NFS1: variants seen among roughly 807,000 people sequenced by gnomAD.
NFS1 encodes cysteine desulfurase.
NFS1 carries 26 observed loss-of-function variants against 57.3 expected under a neutral mutation model. The ratio of observed to expected loss-of-function variants is 0.45; its 90% confidence interval spans 0.33 to 0.63. The LOEUF (loss-of-function observed/expected upper bound fraction) is 0.63, where lower values mean the gene tolerates loss of function less well. NFS1 is among the 20% of genes least tolerant of loss of function. NFS1 has a pLI of 0.02. For missense variants in NFS1, 505 were observed against 605.8 expected, an observed-to-expected ratio of 0.83 and a Z score of 1.75; for synonymous variants, 209 against 216.3, an observed-to-expected ratio of 0.97 and a Z score of 0.30.
chr20:35,679,075 T>C (rs989906874), intron 7 of NFS1, among the ~76,000 whole-genome samples: 2 of 152,170 alleles, frequency 1.3e-5, no homozygotes, highest in Admixed American at 1.3e-4. Context: ...GGTTGGATAA[T>C]GAGGGACACC....
intron 12 of NFS1, among the ~76,000 whole-genome samples, chr20:35,672,343 A>C (rs970661653): frequency 6.6e-6 from 1 of 151,598 alleles, no homozygotes; most frequent in Admixed American, 6.6e-5. Flanking sequence ...TCCCCCTCCC[A>C]GGTTGAAGTG....
intron 7 of NFS1, among the ~76,000 whole-genome samples, chr20:35,680,514 G>C (rs956526702): frequency 3.9e-5 from 6 of 152,220 alleles, no homozygotes; most frequent in African/African-American, 1.4e-4. Flanking sequence ...CTAAGGATTT[G>C]TTAAAGAGAG....
At chr20:35,672,180 G>A (rs566378663) in intron 12 of NFS1, among the ~76,000 whole-genome samples, 10 of 151,718 alleles carry the variant, frequency 6.6e-5, no homozygotes, top group Admixed American at 4.6e-4. Context: ...GGATGGTCTC[G>A]ATCTCCTGAC....
intron 7 of NFS1, chr20:35,675,562 A>G (rs1045776444): frequency 2.2e-5 from 5 of 227,308 alleles, no homozygotes; most frequent in African/African-American, 1.2e-4. Context: ...TGTCCATACA[A>G]TGAAATACCA....
chr20:35,690,514 T>G lies in NFS1; in HGVS notation c.460A>C (p.Thr154Pro). Reference protein sequence around the residue: ...SRKKHLITTQTEHKCVLDSCR... With the variant: ...SRKKHLITTQPEHKCVLDSCR... ...GAGTCCAAGACACATTTGTGTTCTG[T>G]CTGGGTGGTGATCAAGTGCTTTTTC... is the stretch of plus-strand genomic sequence containing the variant. Residue 154 changes from threonine (T) to proline (P), a missense_variant, in exon 5 of 13, where the codon ACA (threonine) becomes CCA (proline). Thr to Pro is a conservative substitution (Grantham distance 38). Coordinates refer to ENST00000374092, the MANE Select transcript of NFS1 (RefSeq NM_021100.5). The G allele has an allele frequency of 6.2e-7, 1 of 1,614,088 alleles. No homozygotes were observed. The highest frequency in any genetic ancestry group is 8.5e-7 in the Non-Finnish European group (1 of 1,180,028).
chr20:35,673,379 A>C (rs758968213), intron 11 of NFS1, among the ~76,000 whole-genome samples: 2 of 152,158 alleles, frequency 1.3e-5, no homozygotes, highest in East Asian at 3.8e-4. Flanking sequence ...GTGAATCAGA[A>C]TATCTGAATG....
intron 3 of NFS1, among the ~76,000 whole-genome samples, chr20:35,696,755 G>A (rs1372719386): frequency 6.6e-6 from 1 of 152,078 alleles, no homozygotes; most frequent in Non-Finnish European, 1.5e-5. Context: ...GATCACCTGA[G>A]GTCAGGAGTT....
At position 35,699,204 on chromosome 20, in the gene NFS1, GC is replaced by G. The variant is rs1238759401; in HGVS notation, c.84del (p.Leu29CysfsTer53). ...GACCCGAGCGTACCGCGCAGGCGCA[GC>G]CCCCGAGTGGGCGCCGCGGGCTTCG... ...PGPKPAAPTR[G>X]LRLRVGDRAP... On this transcript the variant is annotated frameshift_variant, in exon 1 of 13. Transcript: ENST00000374092. LOFTEE classifies it high-confidence loss of function. The surrounding 1 kb of genome is among the most constrained non-coding windows in gnomAD (Gnocchi z 4.4). The G allele has an allele frequency of 2.1e-6, 3 of 1,419,252 alleles. No individual in the cohort carries two copies. Among genetic ancestry groups the G allele is most frequent in the South Asian group, 3.0e-5 (2 of 66,948 alleles). 87.9% of individuals were successfully genotyped at this position (1,419,252 alleles called of 1,614,324 possible).
In NFS1 at chr20:35,680,957, T is replaced by C. The variant is rs191041347; in HGVS notation, c.656-86A>G. 420 of 995,910 alleles carry C rather than the reference T, an allele frequency of 4.2e-4. 1 individual carries two copies. The African/African-American group carries it at 6.2e-3, about 15-fold the overall frequency. 61.7% of individuals were successfully genotyped at this position (995,910 alleles called of 1,614,324 possible). On this transcript the variant is annotated intron_variant, in intron 6 of 12. Transcript: ENST00000374092. ...ACAGTGCACTGTGAATTATCTCCAA[T>C]AGTAAATGACCTGTAAATATTAAAC...
intron 8 of NFS1, 187 bp downstream of exon 8, chr20:35,674,858 A>C (rs1424104283): frequency 2.6e-6 from 2 of 766,514 alleles, no homozygotes; most frequent in Non-Finnish European, 4.2e-6. Context: ...ATAACTACTA[A>C]AAGGCCATGG....
At chr20:35,686,648 A>C (rs2034949624) in intron 5 of NFS1, among the ~76,000 whole-genome samples, 1 of 151,610 alleles carries the variant, frequency 6.6e-6, no homozygotes, top group Admixed American at 6.6e-5. Flanking sequence ...TAAAGTGAGA[A>C]AAGGCCAAAT....
intron 4 of NFS1, among the ~76,000 whole-genome samples, chr20:35,694,237 T>G (rs762090165): frequency 4.3e-4 from 65 of 151,524 alleles, no homozygotes; most frequent in Non-Finnish European, 8.7e-4. Flanking sequence ...CTCTGCCTCC[T>G]GGGTTCAACT....
intron 5 of NFS1, among the ~76,000 whole-genome samples, chr20:35,688,265 T>A (rs563594307): frequency 1.5e-5 from 2 of 137,672 alleles, no homozygotes; most frequent in South Asian, 2.4e-4. Context: ...AAAAAAAAAA[T>A]TTAGCCAGGC....
chr20:35,675,132 C>T lies in NFS1; in HGVS notation c.861G>A (p.Gln287=). ...CTGTCCCAGACCGCATACCCCGCTC[C>T]TGCCCCCCTCCACTCTGCAGGGCCT... ...RVEALQSGGG[Q]ERGMRSGTVP... Residue 287 remains glutamine, a synonymous_variant, in exon 8 of 13, where the codon CAG becomes CAA. Transcript: ENST00000374092. 2 of 1,614,004 alleles carry T rather than the reference C, an allele frequency of 1.2e-6. No individual in the cohort carries two copies. The highest frequency in any genetic ancestry group is 1.7e-6 in the Non-Finnish European group (2 of 1,180,018).
intron 5 of NFS1, among the ~76,000 whole-genome samples, chr20:35,683,461 AAC>A (rs1370281442): frequency 6.6e-6 from 1 of 151,408 alleles, no homozygotes; most frequent in Admixed American, 6.6e-5. Context: ...CAGCCTGGGC[AAC>A]AGAGTGAGAC....
At chr20:35,687,588 A>G (rs892518418) in intron 5 of NFS1, among the ~76,000 whole-genome samples, 2 of 152,164 alleles carry the variant, frequency 1.3e-5, no homozygotes, top group South Asian at 2.1e-4. Context: ...ATTCGGGGCC[A>G]CTACCAGTCT....
chr20:35,698,877 G>C, intron 1 of NFS1: 1 of 1,343,984 alleles, frequency 7.4e-7, no homozygotes, highest in Non-Finnish European at 9.5e-7. Flanking sequence ...CGTGGAGCCA[G>C]AGTAGGTGCA....
chr20:35,686,589 A>G (rs1568962392), intron 5 of NFS1, among the ~76,000 whole-genome samples: 1 of 152,128 alleles, frequency 6.6e-6, no homozygotes, highest in Non-Finnish European at 1.5e-5. Context: ...GGCAAAATGA[A>G]GTTATAATTC....
rs766334538 is a variant in NFS1 at position 35,674,533 on chromosome 20, C to G, written c.1033G>C (p.Asp345His). 1 of 1,613,922 alleles carries G rather than the reference C, an allele frequency of 6.2e-7. No individual in the cohort carries two copies. Among genetic ancestry groups the G allele is most frequent in the Non-Finnish European group, 8.5e-7 (1 of 1,179,792 alleles). ...ATACCGGGATAATGGTGCTTAGGGT[C>G]CCCATTCATCACCACATCTGGAAGG... is the stretch of plus-strand genomic sequence containing the variant. ...KSLPDVVMNGDPKHHYPGCIN... is the reference protein window; with the variant it reads ...KSLPDVVMNGHPKHHYPGCIN... Residue 345 changes from aspartate to histidine, a missense_variant, in exon 9 of 13, where the codon GAC becomes CAC. Asp to His is a moderately conservative substitution (Grantham distance 81). Coordinates refer to ENST00000374092, the MANE Select transcript of NFS1 (RefSeq NM_021100.5).
Sources: allele counts gnomAD v4.1 joint callset (sites outside exome capture counted in the v4.1 genomes callset), GRCh38; gene constraint gnomAD v4.1.1; non-coding constraint Gnocchi (gnomAD v3.1); transcripts MANE v1.5; gene names NCBI Gene and HGNC (gene_info 2026-07-23, HGNC 2026-07-21).